Variants in ESRRG observed in about 807,000 individuals in gnomAD.
The protein encoded by ESRRG is estrogen related receptor gamma, also known as estrogen-related receptor gamma.
In ESRRG, 13 loss-of-function variants were observed where a neutral mutation model predicts 44.0. The ratio of observed to expected loss-of-function variants is 0.30; its 90% CI spans 0.19 to 0.47. The LOEUF (loss-of-function observed/expected upper bound fraction) is 0.47, where lower values mean the gene tolerates loss of function less well. Ranked by LOEUF, ESRRG falls within the 20% of genes least tolerant of loss-of-function variation. The pLI, the probability that ESRRG is intolerant of heterozygous loss-of-function variation, is 1.00. For missense variants in ESRRG, 395 were observed against 580.6 expected, an observed-to-expected ratio of 0.68 and a Z score of 3.29; for synonymous variants, 215 against 214.6, an observed-to-expected ratio of 1.00 and a Z score of -0.02.
At chr1:216,800,593 C>T (rs1346630569) in intron 2 of ESRRG, among the ~76,000 whole-genome samples, 1 of 152,160 alleles carries the variant, frequency 6.6e-6, no homozygotes, top group African/African-American at 2.4e-5. Context: ...ATCATTTTCT[C>T]AAATTGAAAT....
intron 2 of ESRRG, among the ~76,000 whole-genome samples, chr1:216,885,982 T>A (rs542376121): frequency 2.3e-4 from 35 of 151,464 alleles, no homozygotes; most frequent in Admixed American, 1.1e-3. Context: ...TCCCTTTTTT[T>A]TAAAAAAAAA....
chr1:216,551,818 C>A (rs1343804617), intron 5 of ESRRG, among the ~76,000 whole-genome samples: 2 of 152,112 alleles, frequency 1.3e-5, no homozygotes, highest in Non-Finnish European at 2.9e-5. Flanking sequence ...TTTAAAGCAT[C>A]TTTAAATTCA....
chr1:216,649,019 C>T (rs973682045), intron 3 of ESRRG, among the ~76,000 whole-genome samples: 2 of 152,094 alleles, frequency 1.3e-5, no homozygotes, highest in African/African-American at 2.4e-5. Flanking sequence ...GGGGTTAAGG[C>T]AATGGCTAAG....
At chr1:217,093,793 AAC>A (rs1376466223), upstream of ESRRG, among the ~76,000 whole-genome samples, 2 of 151,652 alleles carry the variant, frequency 1.3e-5, no homozygotes, top group East Asian at 1.9e-4. Context: ...CAAAAAAAAA[AAC>A]ACACACACAC....
At chr1:216,861,923 A>G (rs1480071729) in intron 2 of ESRRG, among the ~76,000 whole-genome samples, 1 of 152,200 alleles carries the variant, frequency 6.6e-6, no homozygotes, top group African/African-American at 2.4e-5. Flanking sequence ...TATATGAATG[A>G]TAAATGAGCA....
intron 3 of ESRRG, among the ~76,000 whole-genome samples, chr1:216,597,367 A>G (rs1012877853): frequency 9.2e-5 from 14 of 152,144 alleles, no homozygotes; most frequent in African/African-American, 3.4e-4. Context: ...CTCTTTCTGG[A>G]GAGGTCAAAG....
Position 217,130,888 on chromosome 1 carries a change from A to T in ESRRG, c.-230+6779T>A, listed in dbSNP as rs543304119. Among the ~76,000 whole-genome samples, 177 of 120,592 alleles carry T rather than the reference A, an allele frequency of 1.5e-3. 1 individual carries two copies. The highest frequency in any genetic ancestry group is 0.011 in the South Asian group (45 of 3,926). The allele number at this position is 120,592 out of a possible 152,430, so 79.1% of individuals were successfully genotyped here. A position where few individuals can be genotyped will look rare whatever the true frequency, so the allele number is the denominator to read the frequency against. The stretch of plus-strand genomic sequence containing the variant: ...TTTCTCCCACGAAGAAATGCCTTTT[A>T]TTGTCTTTTTTTTAACTATTAAGAC... On this transcript the variant is annotated intron_variant, in intron 1 of 8. Coordinates refer to the ESRRG transcript ENST00000366940.
intron 5 of ESRRG, among the ~76,000 whole-genome samples, chr1:216,540,266 T>A (rs2149253810): frequency 6.6e-6 from 1 of 152,132 alleles, no homozygotes; most frequent in East Asian, 1.9e-4. Context: ...AGGTGTAAAC[T>A]TCCGTACTCT....
chr1:216,677,276 A>C lies in ESRRG; in HGVS notation c.272T>G (p.Leu91Arg). 6.2e-7 allele frequency: 1 copy of C among 1,614,094 alleles called. No homozygotes were observed. Among genetic ancestry groups the C allele is most frequent in the Non-Finnish European group, 8.5e-7 (1 of 1,180,012 alleles). ...SPPLYPSAPI[L>R]GGSGPVRKLY... ...TTTCCTGACAGGCCCACTACCTCCC[A>C]GGATAGGAGCAGAAGGGTAGAGAGG... The change falls in exon 2 of 7, where the codon CTG (leucine) becomes CGG (arginine). Residue 91 changes from leucine to arginine, a missense_variant. Leu to Arg is a moderately radical substitution (Grantham distance 102, BLOSUM62 -2). Around this residue, in one of 5 missense-constraint regions of ESRRG, gnomAD observed 148 missense variants for 150.4 expected, o/e 0.98. Coordinates refer to ENST00000408911, the MANE Select transcript of ESRRG (RefSeq NM_001438.4).
intron 2 of ESRRG, among the ~76,000 whole-genome samples, chr1:216,659,214 C>T (rs1021908430): frequency 6.6e-6 from 1 of 152,080 alleles, no homozygotes; most frequent in Non-Finnish European, 1.5e-5. Context: ...CTCCAGTTTG[C>T]AAATATTATA....
At chr1:216,818,293 G>A (rs1476021687) in intron 2 of ESRRG, among the ~76,000 whole-genome samples, 3 of 152,202 alleles carry the variant, frequency 2.0e-5, no homozygotes. Context: ...TAAATACTGA[G>A]AAGAGCTAAG....
At chr1:216,651,419 A>G (rs11572708) in intron 2 of ESRRG, among the ~76,000 whole-genome samples, 9 of 152,208 alleles carry the variant, frequency 5.9e-5, no homozygotes, top group Non-Finnish European at 1.0e-4. Context: ...GATTATGTTC[A>G]TGAAAACACA....
intron 3 of ESRRG, among the ~76,000 whole-genome samples, chr1:216,583,764 C>T (rs918087403): frequency 5.3e-5 from 8 of 152,184 alleles, no homozygotes; most frequent in Non-Finnish European, 7.3e-5. Context: ...TACAGTTCCA[C>T]GTGGCTGGAA....
At chr1:216,946,452 C>T (rs866817958) in intron 1 of ESRRG, among the ~76,000 whole-genome samples, 2 of 152,178 alleles carry the variant, frequency 1.3e-5, no homozygotes, top group Admixed American at 6.5e-5. Context: ...ACCACTACAC[C>T]ATGATTCAGG....
At chr1:216,834,441 T>G (rs975474478) in intron 2 of ESRRG, among the ~76,000 whole-genome samples, 1 of 152,018 alleles carries the variant, frequency 6.6e-6, no homozygotes, top group African/African-American at 2.4e-5. Context: ...AAAATCAACA[T>G]AACTCTACCC....
At chr1:217,003,673 T>C (rs2077364961) in intron 1 of ESRRG, among the ~76,000 whole-genome samples, 1 of 150,664 alleles carries the variant, frequency 6.6e-6, no homozygotes, top group African/African-American at 2.5e-5. Context: ...AGTAATTCAT[T>C]TGTTATTGGC....
intron 1 of ESRRG, among the ~76,000 whole-genome samples, chr1:216,723,015 G>T (rs987315054): frequency 6.6e-6 from 1 of 152,142 alleles, no homozygotes; most frequent in African/African-American, 2.4e-5. Flanking sequence ...TTTACTGACA[G>T]TCACTGAGCT....
chr1:216,507,295 T>C, intron 6 of ESRRG, 112 bp from the exon 7 acceptor site: 1 of 683,328 alleles, frequency 1.5e-6, no homozygotes, highest in South Asian at 2.9e-5. Context: ...TCTCTGAGCT[T>C]GAACCTATGA....
chr1:216,822,899 T>G lies in ESRRG; in HGVS notation c.-14+116683A>C, dbSNP rs535675988. Among the ~76,000 whole-genome samples, 8 of 152,352 alleles carry G rather than the reference T, an allele frequency of 5.3e-5. No individual in the cohort carries two copies. In the East Asian group the frequency reaches 1.5e-3, roughly 29 times the overall value. On this transcript the variant is annotated intron_variant, in intron 2 of 7. Transcript: ENST00000359162. ...CATTTAGATTCCACATAGAAGACACTGTACTAATTTTAGACAAGGTTCCAA... is the reference window on the plus strand; with the variant it reads ...CATTTAGATTCCACATAGAAGACACGGTACTAATTTTAGACAAGGTTCCAA...
Sources: gnomAD v4.1 joint callset for allele counts (sites outside exome capture counted in the v4.1 genomes callset) on GRCh38, gnomAD v4.1.1 for gene constraint, gnomAD v4.1.1 regional missense constraint, MANE v1.5 for transcripts, NCBI Gene and HGNC (gene_info 2026-07-23, HGNC 2026-07-21) for gene names.